Variants in ATL3 observed in about 807,000 individuals in gnomAD.
The protein encoded by ATL3 is atlastin-3.
A neutral mutation model predicts 69.5 loss-of-function variants in ATL3; 49 were observed. The ratio of observed to expected loss-of-function variants is 0.71; its 90% confidence interval spans 0.56 to 0.89. The LOEUF (loss-of-function observed/expected upper bound fraction) is 0.89, where lower values mean the gene tolerates loss of function less well. Ranked by LOEUF, ATL3 falls within the 40% of genes least tolerant of loss-of-function variation. The probability of loss-of-function intolerance (pLI) is 0.00; values close to 1 mark genes in which losing one functional copy is unlikely to be tolerated. For missense variants in ATL3, 606 were observed against 645.7 expected (o/e 0.94, Z 0.67); for synonymous variants, 214 against 224.1 (o/e 0.95, Z 0.40).
intron 8 of ATL3, among the ~76,000 whole-genome samples, chr11:63,636,942 A>G (rs966027421): frequency 1.3e-5 from 2 of 152,050 alleles, no homozygotes; most frequent in Middle Eastern, 3.2e-3. Context: ...TCATTCTGGG[A>G]TATCTGGTCT....
intron 1 of ATL3, 21 bp downstream of exon 1, chr11:63,671,269 C>CAGG: frequency 6.3e-7 from 1 of 1,575,296 alleles, no homozygotes; most frequent in Non-Finnish European, 8.6e-7. Flanking sequence ...CGGGGCGATC[C>CAGG]AGGGAAAATC....
intron 8 of ATL3, 150 bp downstream of exon 8, chr11:63,643,207 G>T: frequency 2.5e-6 from 2 of 801,704 alleles, no homozygotes; most frequent in Non-Finnish European, 3.6e-6. Flanking sequence ...GTCTCAGTAA[G>T]TCAGGAGCAA....
intron 12 of ATL3, 122 bp from the exon 13 acceptor site, chr11:63,629,527 T>G: frequency 1.2e-6 from 1 of 814,806 alleles, no homozygotes; most frequent in Non-Finnish European, 2.0e-6. Context: ...AGCAGTTGAA[T>G]GAAAATGCAG....
chr11:63,666,700 G>A (rs1026162336), intron 1 of ATL3, among the ~76,000 whole-genome samples: 8 of 151,654 alleles, frequency 5.3e-5, no homozygotes, highest in South Asian at 2.1e-4. Context: ...ATGAGCCACC[G>A]TGCCCGGTCC....
rs1368535320 is a variant in ATL3, at chr11:63,624,202, T to TTA, written c.*5116_*5117insTA. 1.3e-5 allele frequency: 2 copies of TTA among 152,186 alleles called. No individual in the cohort carries two copies. Among genetic ancestry groups the TTA allele is most frequent in the Non-Finnish European group, 2.9e-5 (2 of 68,032 alleles). The allele number at this position is 152,186 out of a possible 1,614,324, so 9.4% of individuals were successfully genotyped here. On this transcript the variant is annotated 3_prime_UTR_variant, in exon 13 of 13. Coordinates refer to ENST00000398868, the MANE Select transcript of ATL3 (RefSeq NM_015459.5). The stretch of plus-strand genomic sequence containing the variant: ...CCATTGCACTTTTTAAAAACTATAT[T>TTA]AAGTTTCAAAGCCACTCAAAGGCAA...
intron 8 of ATL3, among the ~76,000 whole-genome samples, chr11:63,641,327 A>C (rs903841412): frequency 1.3e-5 from 2 of 152,218 alleles, no homozygotes; most frequent in Admixed American, 6.5e-5. Flanking sequence ...ATCTACATAT[A>C]TGTATAGTGA....
chr11:63,644,094 C>A, intron 7 of ATL3, 75 bp downstream of exon 7: 4 of 969,996 alleles, frequency 4.1e-6, no homozygotes, highest in Non-Finnish European at 6.4e-6. Context: ...TTGCTTTAAA[C>A]ACAATAGCCA....
Position 63,671,330 on chromosome 11 carries a change from C to T in ATL3, c.6G>A (p.Leu2=). The T allele has an allele frequency of 1.3e-6, 2 of 1,584,614 alleles. No homozygotes were observed. Among genetic ancestry groups the T allele is most frequent in the Non-Finnish European group, 1.7e-6 (2 of 1,167,468 alleles). The change falls in exon 1 of 13, where the codon TTG becomes TTA. Residue 2 remains leucine (L), a synonymous_variant. Coordinates refer to ENST00000398868, the MANE Select transcript of ATL3 (RefSeq NM_015459.5). M[L]SPQRVAAAAS... is the part of the protein sequence containing the mutation. ...CAGCTGCTGCCACTCGCTGAGGGGA[C>T]AACATGGAGCCTCCGCCTTCAAAGC...
In ATL3 at chr11:63,653,753, T is replaced by C. The variant is rs1590737421; in HGVS notation, c.406-1178A>G. 2.0e-5 allele frequency among the ~76,000 whole-genome samples: 3 copies of C among 152,330 alleles called. No homozygotes were observed. In the East Asian group the frequency reaches 5.8e-4, roughly 29 times the overall value. On this transcript the variant is annotated intron_variant, in intron 3 of 12. Transcript: ENST00000398868. The stretch of plus-strand genomic sequence containing the variant: ...AGGCCAATCTGAAAAGGCTGCATAT[T>C]GTATGATTCTAACTATATGACATTC...
upstream of ATL3, chr11:63,671,484 A>C: frequency 1.4e-6 from 2 of 1,461,850 alleles, no homozygotes; most frequent in African/African-American, 1.5e-5. Context: ...CGGAGCCGCG[A>C]CGGAGCGAGC....
rs1455374554 is a variant in ATL3, at chr11:63,671,320, G to A, written c.16C>T (p.Arg6Ter). ...CCTCTTGAGGCAGCTGCTGCCACTC[G>A]CTGAGGGGACAACATGGAGCCTCCG... is the stretch of plus-strand genomic sequence containing the variant. MLSPQ[R>*]VAAAASRGAD... Residue 6 changes from arginine (R) to a stop codon, truncating the protein, a stop_gained, in exon 1 of 13, where the codon CGA (arginine) becomes TGA (stop). Transcript: ENST00000398868. LOFTEE classifies it high-confidence loss of function. The A allele has an allele frequency of 1.3e-6, 2 of 1,588,192 alleles. No individual in the cohort carries two copies. Among genetic ancestry groups the A allele is most frequent in the Middle Eastern group, 1.7e-4 (1 of 5,868 alleles).
At chr11:63,633,654 G>C (rs1316857370) in intron 10 of ATL3, among the ~76,000 whole-genome samples, 2 of 149,388 alleles carry the variant, frequency 1.3e-5, no homozygotes, top group Admixed American at 6.7e-5. Flanking sequence ...AAAGTGCTGG[G>C]ATTACAGGAG....
At position 63,635,670 on chromosome 11, in the gene ATL3, A is replaced by G. The variant is rs978374249; in HGVS notation, c.979-80T>C. The G allele has an allele frequency of 1.1e-4, 121 of 1,102,580 alleles. 1 individual carries two copies. In the Admixed American group the frequency reaches 2.7e-3, roughly 25 times the overall value. The allele number at this position is 1,102,580 out of a possible 1,614,324, so 68.3% of individuals were successfully genotyped here. A position where few individuals can be genotyped will look rare whatever the true frequency, so the allele number is the denominator to read the frequency against. On this transcript the variant is annotated intron_variant, in intron 9 of 12. Transcript: ENST00000398868. ...CATATTTAATTTTTAGAAAGTGACC[A>G]TACAACTGCATTTTCCTAAAGACTT...
At chr11:63,665,105 GAAGGCC>G in intron 1 of ATL3, among the ~76,000 whole-genome samples, 1 of 152,272 alleles carries the variant, frequency 6.6e-6, no homozygotes, top group South Asian at 2.1e-4. Context: ...CCCAACACTG[GAAGGCC>G]AAGGTGGGTG....
chr11:63,665,899 G>GCCAA (rs1940560023), intron 1 of ATL3, among the ~76,000 whole-genome samples: 2 of 152,064 alleles, frequency 1.3e-5, no homozygotes, highest in African/African-American at 4.8e-5. Context: ...CACTGACAGT[G>GCCAA]ATCCTTGGGT....
At chr11:63,649,095 A>C (rs968603502) in intron 5 of ATL3, among the ~76,000 whole-genome samples, 2 of 152,202 alleles carry the variant, frequency 1.3e-5, no homozygotes, top group Admixed American at 6.5e-5. Context: ...ACTGCACTCC[A>C]GCCTGGGCAA....
intron 8 of ATL3, among the ~76,000 whole-genome samples, chr11:63,639,599 A>T (rs959206540): frequency 6.6e-6 from 1 of 152,010 alleles, no homozygotes. Flanking sequence ...ACAAAAAAAT[A>T]AAAAGATTAG....
At position 63,628,428 on chromosome 11, in the gene ATL3, C is replaced by T. The variant is rs1264247546; in HGVS notation, c.*891G>A. 2.0e-5 allele frequency: 3 copies of T among 151,942 alleles called. No homozygotes were observed. The highest frequency in any genetic ancestry group is 7.3e-5 in the African/African-American group (3 of 41,358). 9.4% of individuals were successfully genotyped at this position (151,942 alleles called of 1,614,324 possible). ...TTAAATATGACATGATTTTTCCACA[C>T]TATGTGGCAACAGGATTCCCTATTG... On this transcript the variant is annotated 3_prime_UTR_variant, in exon 13 of 13. Transcript: ENST00000398868.
chr11:63,652,980 C>T (rs1455368150), intron 3 of ATL3, among the ~76,000 whole-genome samples: 1 of 151,294 alleles, frequency 6.6e-6, no homozygotes, highest in Non-Finnish European at 1.5e-5. Flanking sequence ...AGCACTTGAG[C>T]CCAGTTCAAT....
Sources: gnomAD v4.1 joint callset for allele counts (sites outside exome capture counted in the v4.1 genomes callset) on GRCh38, gnomAD v4.1.1 for gene constraint, MANE v1.5 for transcripts, NCBI Gene and HGNC (gene_info 2026-07-23, HGNC 2026-07-21) for gene names.